ZFAND3: variants seen among roughly 807,000 people sequenced by gnomAD.
ZFAND3 encodes the protein AN1-type zinc finger protein 3.
ZFAND3 carries 10 observed loss-of-function variants against 29.6 expected under a neutral mutation model. The observed-to-expected ratio is 0.34, with a 90% CI of 0.21 to 0.57. ZFAND3 has a LOEUF of 0.57. Ranked by LOEUF, ZFAND3 falls within the 20% of genes least tolerant of loss-of-function variation. The pLI is 0.86. For missense variants in ZFAND3, 230 were observed against 304.5 expected, an observed-to-expected ratio of 0.76 and a Z score of 1.82; for synonymous variants, 128 against 112.6, an observed-to-expected ratio of 1.14 and a Z score of -0.87.
intron 1 of ZFAND3, among the ~76,000 whole-genome samples, chr6:37,830,846 A>G (rs1421917413): frequency 2.0e-5 from 3 of 152,118 alleles, no homozygotes; most frequent in Non-Finnish European, 4.4e-5. Flanking sequence ...TTCTTTTTTA[A>G]AAGATTTTAC....
intron 2 of ZFAND3, among the ~76,000 whole-genome samples, chr6:38,027,481 A>G (rs1763472908): frequency 6.6e-6 from 1 of 152,166 alleles, no homozygotes; most frequent in Non-Finnish European, 1.5e-5. Context: ...CATCTTTTTT[A>G]TAATAGAGCA....
chr6:37,967,231 G>C (rs144366207), intron 2 of ZFAND3, among the ~76,000 whole-genome samples: 94 of 152,230 alleles, frequency 6.2e-4, no homozygotes, highest in African/African-American at 2.2e-3. Flanking sequence ...TTATACTCAT[G>C]GTTTCCTATT....
intron 2 of ZFAND3, among the ~76,000 whole-genome samples, chr6:38,019,404 C>G (rs1435262506): frequency 6.6e-6 from 1 of 151,866 alleles, no homozygotes; most frequent in Non-Finnish European, 1.5e-5. Context: ...GACTTTGGGT[C>G]TTTTTTATTT....
At chr6:38,071,065 T>TTATATATATATA (rs138964435) in intron 3 of ZFAND3, among the ~76,000 whole-genome samples, 2 of 148,722 alleles carry the variant, frequency 1.3e-5, no homozygotes, top group African/African-American at 4.9e-5. Flanking sequence ...AGGAATTCTT[T>TTATATATATATA]TATATATATA....
chr6:37,826,572 G>T (rs1763764383), intron 1 of ZFAND3, among the ~76,000 whole-genome samples: 1 of 152,038 alleles, frequency 6.6e-6, no homozygotes, highest in African/African-American at 2.4e-5. Context: ...TGAACAACAT[G>T]GTGAAACTCC....
At chr6:38,124,315 C>G (rs370222804) in intron 5 of ZFAND3, among the ~76,000 whole-genome samples, 42 of 152,376 alleles carry the variant, frequency 2.8e-4, no homozygotes, top group Admixed American at 7.8e-4. Flanking sequence ...GCCAGTCCCG[C>G]GCCATGCGCC....
intron 4 of ZFAND3, among the ~76,000 whole-genome samples, chr6:38,113,824 A>G (rs920932860): frequency 6.6e-6 from 1 of 152,246 alleles, no homozygotes; most frequent in African/African-American, 2.4e-5. Flanking sequence ...ACACAGTGAA[A>G]TTAAATTGTC....
At chr6:38,150,316 A>G (rs1221043662) in intron 5 of ZFAND3, among the ~76,000 whole-genome samples, 1 of 152,212 alleles carries the variant, frequency 6.6e-6, no homozygotes, top group Non-Finnish European at 1.5e-5. Context: ...AGAGTCAAAC[A>G]TACTGCCCTG....
intron 2 of ZFAND3, among the ~76,000 whole-genome samples, chr6:37,985,244 GT>G (rs1384424094): frequency 3.3e-5 from 5 of 152,154 alleles, no homozygotes; most frequent in African/African-American, 7.2e-5. Flanking sequence ...GATCACTTGT[GT>G]CCAGGAGTTT....
intron 5 of ZFAND3, among the ~76,000 whole-genome samples, chr6:38,146,780 C>T (rs1581960064): frequency 6.6e-6 from 1 of 152,166 alleles, no homozygotes; most frequent in Non-Finnish European, 1.5e-5. Context: ...TATCCCTTAT[C>T]CTCCTTTATC....
chr6:38,033,696 T>C (rs773982243), intron 2 of ZFAND3, among the ~76,000 whole-genome samples: 50 of 152,330 alleles, frequency 3.3e-4, no homozygotes, highest in Non-Finnish European at 5.9e-4. Flanking sequence ...TGTTACATAA[T>C]TAGCAACTGT....
At chr6:37,828,117 A>G (rs773073069) in intron 1 of ZFAND3, among the ~76,000 whole-genome samples, 4 of 152,266 alleles carry the variant, frequency 2.6e-5, no homozygotes, top group Non-Finnish European at 5.9e-5. Context: ...GTGCAGTTGC[A>G]TAAAATAATC....
chr6:37,970,778 G>C (rs1022278329), intron 2 of ZFAND3, among the ~76,000 whole-genome samples: 1 of 152,076 alleles, frequency 6.6e-6, no homozygotes, highest in Non-Finnish European at 1.5e-5. Context: ...GGTGGCGGGC[G>C]CCTGTAGTCC....
Position 38,153,510 on chromosome 6 carries a change from A to G in ZFAND3, c.*1121A>G. 1.0e-6 allele frequency: 1 copy of G among 985,626 alleles called. No individual in the cohort carries two copies. Among genetic ancestry groups the G allele is most frequent in the South Asian group, 4.7e-5 (1 of 21,290 alleles). 61.1% of individuals were successfully genotyped at this position (985,626 alleles called of 1,614,324 possible). A position where few individuals can be genotyped will look rare whatever the true frequency, so the allele number is the denominator to read the frequency against. ...GGAAGGCAGCATACGTCCCAGGGAC[A>G]GTGGGTTTGGATCTGTCTAGAACAG... On this transcript the variant is annotated 3_prime_UTR_variant, in exon 6 of 6. Transcript: ENST00000287218.
chr6:38,130,178 G>A (rs973656245), intron 5 of ZFAND3, among the ~76,000 whole-genome samples: 10 of 152,226 alleles, frequency 6.6e-5, no homozygotes, highest in African/African-American at 1.7e-4. Flanking sequence ...GAAACTTGCC[G>A]ATTTATTTAA....
intron 1 of ZFAND3, among the ~76,000 whole-genome samples, chr6:37,862,065 G>A: frequency 6.6e-6 from 1 of 152,072 alleles, no homozygotes; most frequent in East Asian, 1.9e-4. Context: ...AGAGGAAATA[G>A]CCTAAGAAAA....
intron 2 of ZFAND3, among the ~76,000 whole-genome samples, chr6:37,954,180 A>T (rs945458628): frequency 6.6e-6 from 1 of 152,032 alleles, no homozygotes; most frequent in Non-Finnish European, 1.5e-5. Flanking sequence ...GAGTAATATG[A>T]TTATGATGTG....
rs565771297 is a variant in ZFAND3, at chr6:38,106,446, G to A, written c.362-10126G>A. Among the ~76,000 whole-genome samples, 14 of 152,208 alleles carry A rather than the reference G, an allele frequency of 9.2e-5. No homozygotes were observed. The South Asian group carries it at 1.0e-3, about 11-fold the overall frequency. On this transcript the variant is annotated intron_variant, in intron 4 of 5. Transcript: ENST00000287218. Reference sequence around the variant, plus strand: ...ATTACAGGTGTGAGCCACCACTCCCGGCCTACAAATGACATTCTTAACGGC... The same window carrying A: ...ATTACAGGTGTGAGCCACCACTCCCAGCCTACAAATGACATTCTTAACGGC...
intron 2 of ZFAND3, among the ~76,000 whole-genome samples, chr6:38,041,636 T>C (rs865959365): frequency 2.9e-4 from 3 of 10,466 alleles, no homozygotes; most frequent in Admixed American, 1.2e-3. Flanking sequence ...TACTTTTTCT[T>C]CTTCTTCTTC....
Sources: gnomAD v4.1 joint callset for allele counts (sites outside exome capture counted in the v4.1 genomes callset) on GRCh38, gnomAD v4.1.1 for gene constraint, MANE v1.5 for transcripts, NCBI Gene and HGNC (gene_info 2026-07-23, HGNC 2026-07-21) for gene names.